The following DHH variants were observed in gnomAD, a reference collection of about 807,000 sequenced individuals.
DHH encodes the protein desert hedgehog signaling molecule.
In DHH, 16 loss-of-function variants were observed where a neutral mutation model predicts 27.6. The observed-to-expected ratio is 0.58, with a 90% CI of 0.39 to 0.88. DHH has a LOEUF of 0.88. Among genes scored for constraint, DHH ranks in the 40% least tolerant of loss-of-function variants. The pLI, the probability that DHH is intolerant of heterozygous loss-of-function variation, is 0.00. For missense variants in DHH, 436 were observed against 563.1 expected (o/e 0.77, Z 2.28); for synonymous variants, 289 against 263.4 (o/e 1.10, Z -0.94).
In DHH at chr12:49,087,591, T is replaced by G. The variant is rs1454417522; in HGVS notation, c.*2268A>C. Among the ~76,000 whole-genome samples, 3 of 152,122 alleles carry G rather than the reference T, an allele frequency of 2.0e-5. No individual in the cohort carries two copies. Among genetic ancestry groups the G allele is most frequent in the Admixed American group, 6.6e-5 (1 of 15,264 alleles). Reference sequence around the variant, plus strand: ...AGCGGCATGCACCTGTAGTCCCAGCTACTTGAGAGGCTGAGGTGGGAGGAT... The same window carrying G: ...AGCGGCATGCACCTGTAGTCCCAGCGACTTGAGAGGCTGAGGTGGGAGGAT... On this transcript the variant is annotated 3_prime_UTR_variant, in exon 3 of 3. Coordinates refer to ENST00000649637, the MANE Select transcript of DHH (RefSeq NM_021044.4).
chr12:49,091,517 G>T lies in DHH; in HGVS notation c.304-128C>A. 1.5e-6 allele frequency: 2 copies of T among 1,370,400 alleles called. No homozygotes were observed. Among genetic ancestry groups the T allele is most frequent in the Non-Finnish European group, 2.0e-6 (2 of 1,000,328 alleles). The allele number at this position is 1,370,400 out of a possible 1,614,324, so 84.9% of individuals were successfully genotyped here. On this transcript the variant is annotated intron_variant, in intron 1 of 2. Coordinates refer to ENST00000649637, the MANE Select transcript of DHH (RefSeq NM_021044.4). This position sits in a 1 kb window ranked among gnomAD's most constrained non-coding sequence, Gnocchi z 4.8. Reference sequence around the variant, plus strand: ...CCTCCCAGCTTTTGAGTGTCCTGGAGAAATGAGAATCTGAGTCGATGGTAG... The same window carrying T: ...CCTCCCAGCTTTTGAGTGTCCTGGATAAATGAGAATCTGAGTCGATGGTAG...
chr12:49,090,360 C>A lies in DHH; in HGVS notation c.690G>T (p.Ala230=), dbSNP rs1789932771. The A allele has an allele frequency of 6.2e-7, 1 of 1,608,924 alleles. No individual in the cohort carries two copies. The highest frequency in any genetic ancestry group is 8.5e-7 in the Non-Finnish European group (1 of 1,178,390). Residue 230 remains alanine (A), a synonymous_variant, in exon 3 of 3, where the codon GCG becomes GCT. Coordinates refer to ENST00000649637, the MANE Select transcript of DHH (RefSeq NM_021044.4). This position sits in a 1 kb window ranked among gnomAD's most constrained non-coding sequence, Gnocchi z 5.2. The part of the protein sequence containing the change: ...HRGDWVLAAD[A]SGRVVPTPVL... ...CCGGCGTGGGCACCACCCGGCCTGACGCATCGGCCGCCAAAACCCAGTCTC... is the reference window on the plus strand; with the variant it reads ...CCGGCGTGGGCACCACCCGGCCTGAAGCATCGGCCGCCAAAACCCAGTCTC...
chr12:49,091,489 AC>A lies in DHH; in HGVS notation c.304-101del. 2 of 1,506,974 alleles carry A rather than the reference AC, an allele frequency of 1.3e-6. No individual in the cohort carries two copies. Among genetic ancestry groups the A allele is most frequent in the Middle Eastern group, 2.3e-4 (1 of 4,302 alleles). 93.4% of individuals were successfully genotyped at this position (1,506,974 alleles called of 1,614,324 possible). On this transcript the variant is annotated intron_variant, in intron 1 of 2. Transcript: ENST00000649637. The surrounding 1 kb of genome is among the most constrained non-coding windows in gnomAD (Gnocchi z 4.8). ...TCTTTGTTATTCCGGCCCTACTCTT[AC>A]CCCTCCCAGCTTTTGAGTGTCCTGG...
Position 49,094,366 on chromosome 12 carries a change from C to T in DHH, c.147G>A (p.Val49=). ...QLVPLLYKQF[V]PGVPERTLGA... ...CCAGGGTCCGCTCTGGCACGCCGGGCACAAATTGCTTGTAGAGTAGCGGCA... is the reference window on the plus strand; with the variant it reads ...CCAGGGTCCGCTCTGGCACGCCGGGTACAAATTGCTTGTAGAGTAGCGGCA... The change falls in exon 1 of 3, where the codon GTG becomes GTA. Residue 49 remains valine (V), a synonymous_variant. Transcript: ENST00000649637. 1 of 1,613,016 alleles carries T rather than the reference C, an allele frequency of 6.2e-7. No individual in the cohort carries two copies. The highest frequency in any genetic ancestry group is 8.5e-7 in the Non-Finnish European group (1 of 1,179,906).
In DHH at chr12:49,087,833, G is replaced by T. The variant is rs1217493802; in HGVS notation, c.*2026C>A. 3.3e-5 allele frequency among the ~76,000 whole-genome samples: 5 copies of T among 152,118 alleles called. No homozygotes were observed. Among genetic ancestry groups the T allele is most frequent in the African/African-American group, 1.2e-4 (5 of 41,404 alleles). ...GTCATCACCTGTGGTGACATGACAG[G>T]AAGGCACCAGATCTGATAAAAAGAG... On this transcript the variant is annotated 3_prime_UTR_variant, in exon 3 of 3. Coordinates refer to ENST00000649637, the MANE Select transcript of DHH (RefSeq NM_021044.4).
chr12:49,094,767 A>C lies in DHH; in HGVS notation c.-255T>G, dbSNP rs59178045. 9.2e-5 allele frequency: 54 copies of C among 587,320 alleles called. No individual in the cohort carries two copies. In the East Asian group the frequency reaches 1.6e-3, roughly 17 times the overall value. 36.4% of individuals were successfully genotyped at this position (587,320 alleles called of 1,614,324 possible). On this transcript the variant is annotated 5_prime_UTR_variant, in exon 1 of 3. Transcript: ENST00000649637. The stretch of plus-strand genomic sequence containing the variant: ...GGGGGTCGTGGGTGAGTGCCAGCCC[A>C]GCCCGTCTCTGCTGCAGGACTCTGG...
chr12:49,090,706 TG>T lies in DHH; in HGVS notation c.566-223del, dbSNP rs879417433. On this transcript the variant is annotated intron_variant, in intron 2 of 2. Transcript: ENST00000649637. The surrounding 1 kb of genome is among the most constrained non-coding windows in gnomAD (Gnocchi z 5.2). ...ATGTATGTATGTATGTATGTATGTATGTATGTATTTTGAGATAGAATCTCGC... is the reference window on the plus strand; with the variant it reads ...ATGTATGTATGTATGTATGTATGTATTATGTATTTTGAGATAGAATCTCGC... Among the ~76,000 whole-genome samples, 577 of 150,668 alleles carry T rather than the reference TG, an allele frequency of 3.8e-3. 3 individuals are homozygous for T. Among genetic ancestry groups the T allele is most frequent in the South Asian group, 0.031 (140 of 4,534 alleles).
intron 1 of DHH, chr12:49,093,296 C>T (rs1433004092): frequency 6.6e-6 from 1 of 152,158 alleles, no homozygotes; most frequent in Non-Finnish European, 1.5e-5. Context: ...TGGCTCACAC[C>T]TGTAATCCAG....
At chr12:49,092,398 T>A (rs1592186560) in intron 1 of DHH, 1 of 151,824 alleles carries the variant, frequency 6.6e-6, no homozygotes, top group South Asian at 2.1e-4. Context: ...CCTGGGGGAG[T>A]GAGACCACAG....
intron 1 of DHH, among the ~76,000 whole-genome samples, chr12:49,092,031 G>C (rs1939313118): frequency 6.6e-6 from 1 of 152,174 alleles, no homozygotes; most frequent in Non-Finnish European, 1.5e-5. Context: ...TGACTTAACC[G>C]AGCGAGAATC....
At chr12:49,092,010 A>G (rs942386361) in intron 1 of DHH, among the ~76,000 whole-genome samples, 12 of 152,114 alleles carry the variant, frequency 7.9e-5, no homozygotes, top group Admixed American at 7.9e-4. Context: ...TACAATGGCC[A>G]TTATCCGGGA....
intron 1 of DHH, chr12:49,093,204 G>C (rs942601300): frequency 6.6e-6 from 1 of 152,156 alleles, no homozygotes; most frequent in African/African-American, 2.4e-5. Flanking sequence ...TGGCAGTGGG[G>C]GTGGGGAGGG....
Position 49,091,505 on chromosome 12 carries a change from G to T in DHH, c.304-116C>A. On this transcript the variant is annotated intron_variant, in intron 1 of 2. Transcript: ENST00000649637. The surrounding 1 kb of genome is among the most constrained non-coding windows in gnomAD (Gnocchi z 4.8). ...CCTACTCTTACCCCTCCCAGCTTTT[G>T]AGTGTCCTGGAGAAATGAGAATCTG... 7.1e-7 allele frequency: 1 copy of T among 1,412,772 alleles called. No homozygotes were observed. The highest frequency in any genetic ancestry group is 9.6e-7 in the Non-Finnish European group (1 of 1,036,930). The allele number at this position is 1,412,772 out of a possible 1,614,324, so 87.5% of individuals were successfully genotyped here.
chr12:49,089,196 C>T lies in DHH; in HGVS notation c.*663G>A, dbSNP rs983202979. On this transcript the variant is annotated 3_prime_UTR_variant, in exon 3 of 3. Transcript: ENST00000649637. ...ACCCTGGACCCTTCAGCCGCAGGAG[C>T]GAAATGCTGGTCCTCTCTGGATGGG... 6.6e-6 allele frequency among the ~76,000 whole-genome samples: 1 copy of T among 152,228 alleles called. No homozygotes were observed. Among genetic ancestry groups the T allele is most frequent in the Non-Finnish European group, 1.5e-5 (1 of 68,038 alleles).
Position 49,088,742 on chromosome 12 carries a change from G to A in DHH, c.*1117C>T, listed in dbSNP as rs966977899. Among the ~76,000 whole-genome samples the A allele has an allele frequency of 6.6e-5, 10 of 152,198 alleles. No individual in the cohort carries two copies. Among genetic ancestry groups the A allele is most frequent in the African/African-American group, 2.4e-4 (10 of 41,454 alleles). The stretch of plus-strand genomic sequence containing the variant: ...GGAGGAGGCGCTGAAGACCAAGCCA[G>A]TAGAAACAACAATCAGGGCCAGCGA... On this transcript the variant is annotated 3_prime_UTR_variant, in exon 3 of 3. Coordinates refer to ENST00000649637, the MANE Select transcript of DHH (RefSeq NM_021044.4).
chr12:49,089,920 G>A lies in DHH; in HGVS notation c.1130C>T (p.Pro377Leu), dbSNP rs775728192. 1.3e-6 allele frequency: 2 copies of A among 1,590,424 alleles called. No individual in the cohort carries two copies. Among genetic ancestry groups the A allele is most frequent in the East Asian group, 2.3e-5 (1 of 43,748 alleles). The change falls in exon 3 of 3, where the codon CCG becomes CTG. Residue 377 changes from proline to leucine, a missense_variant. Physicochemically the swap from Pro to Leu is moderately conservative, Grantham distance 98 (BLOSUM62 -3). Transcript: ENST00000649637. ...CCGAGAGTACCAATGCATGCCAGTC[G>A]GCTGGACGGCCCCGCCGGGGAGCAG... ...GALLPGGAVQ[P>L]TGMHWYSRLL...
At position 49,089,987 on chromosome 12, in the gene DHH, G is replaced by C. The variant is rs1939266155; in HGVS notation, c.1063C>G (p.Arg355Gly). The C allele has an allele frequency of 1.0e-5, 16 of 1,568,456 alleles. No individual in the cohort carries two copies. Among genetic ancestry groups the C allele is most frequent in the Non-Finnish European group, 1.4e-5 (16 of 1,157,976 alleles). The change falls in exon 3 of 3, where the codon CGC becomes GGC. Residue 355 changes from arginine to glycine, a missense_variant. Transcript: ENST00000649637. ...AVLESHQWAHRAFAPLRLLHA... is the reference protein window; with the variant it reads ...AVLESHQWAHGAFAPLRLLHA... The stretch of plus-strand genomic sequence containing the variant: ...AGCAGTCTCAAGGGGGCAAAAGCGC[G>C]GTGCGCCCACTGGTGACTCTCCAGA...
Position 49,089,661 on chromosome 12 carries a change from A to G in DHH, c.*198T>C. ...TAGTCCTCTTTAAGGAGTGCGCACC[A>G]TCAGCCCTACCTACCTAGGACCCGG... On this transcript the variant is annotated 3_prime_UTR_variant, in exon 3 of 3. Transcript: ENST00000649637. 1.8e-6 allele frequency: 1 copy of G among 566,556 alleles called. No homozygotes were observed. Among genetic ancestry groups the G allele is most frequent in the Non-Finnish European group, 2.9e-6 (1 of 348,128 alleles). 35.1% of individuals were successfully genotyped at this position (566,556 alleles called of 1,614,324 possible). A position where few individuals can be genotyped will look rare whatever the true frequency, so the allele number is the denominator to read the frequency against.
Position 49,090,945 on chromosome 12 carries a change from G to T in DHH, c.565+183C>A, listed in dbSNP as rs915560788. 2.2e-4 allele frequency among the ~76,000 whole-genome samples: 33 copies of T among 152,152 alleles called. No individual in the cohort carries two copies. The highest frequency in any genetic ancestry group is 7.9e-4 in the Admixed American group (12 of 15,280). ...TCGAACTCCTGACCTCAAGTGATCC[G>T]CCCTCCTTGGCCTCCCAAAGTGCTG... On this transcript the variant is annotated intron_variant, in intron 2 of 2. Coordinates refer to ENST00000649637, the MANE Select transcript of DHH (RefSeq NM_021044.4). The surrounding 1 kb of genome is among the most constrained non-coding windows in gnomAD (Gnocchi z 5.2).
Sources: gnomAD v4.1 joint callset for allele counts (sites outside exome capture counted in the v4.1 genomes callset) on GRCh38, gnomAD v4.1.1 for gene constraint, Gnocchi (gnomAD v3.1) non-coding constraint, MANE v1.5 for transcripts, NCBI Gene and HGNC (gene_info 2026-07-23, HGNC 2026-07-21) for gene names.